FRAS1: variants seen among roughly 807,000 people sequenced by gnomAD.
FRAS1 encodes the protein Fraser extracellular matrix complex subunit 1, also known as extracellular matrix organizing protein FRAS1.
FRAS1 carries 290 observed loss-of-function variants against 435.2 expected under a neutral mutation model. That is an observed-to-expected ratio of 0.67 (90% CI 0.61 to 0.73). The LOEUF (loss-of-function observed/expected upper bound fraction) is 0.73, where lower values mean the gene tolerates loss of function less well. FRAS1 is among the 30% of genes least tolerant of loss of function. The pLI is 0.00. For synonymous variants in FRAS1, 1,800 were observed against 1,851.0 expected (o/e 0.97, Z 0.71); for missense variants, 4,860 against 5,001.5 (o/e 0.97, Z 0.85).
chr4:78,106,322 T>A (rs1742435765), intron 2 of FRAS1, among the ~76,000 whole-genome samples: 1 of 69,102 alleles, frequency 1.4e-5, no homozygotes, highest in Non-Finnish European at 3.0e-5. Context: ...AAGACAGCAG[T>A]AACCTCTGCA....
At chr4:78,099,763 A>G (rs1742024743) in intron 2 of FRAS1, among the ~76,000 whole-genome samples, 1 of 152,144 alleles carries the variant, frequency 6.6e-6, no homozygotes, top group Non-Finnish European at 1.5e-5. Flanking sequence ...GGTATGTTGG[A>G]TATAAATGAG....
intron 50 of FRAS1, among the ~76,000 whole-genome samples, chr4:78,469,362 TG>T (rs1349011829): frequency 6.6e-6 from 1 of 152,218 alleles, no homozygotes; most frequent in Non-Finnish European, 1.5e-5. Context: ...TCTGTGAGAA[TG>T]GGATTATAAA....
At chr4:78,218,851 T>C (rs929567496) in intron 2 of FRAS1, among the ~76,000 whole-genome samples, 1 of 152,240 alleles carries the variant, frequency 6.6e-6, no homozygotes, top group African/African-American at 2.4e-5. Context: ...CTGCCTTCTC[T>C]GTGTGATTTT....
intron 47 of FRAS1, among the ~76,000 whole-genome samples, chr4:78,462,921 A>G (rs550241571): frequency 6.6e-6 from 1 of 152,312 alleles, no homozygotes; most frequent in East Asian, 1.9e-4. Context: ...AAGCAGTGAT[A>G]CTGATGTCAC....
intron 2 of FRAS1, among the ~76,000 whole-genome samples, chr4:78,095,971 A>T (rs1236931388): frequency 6.6e-6 from 1 of 152,180 alleles, no homozygotes; most frequent in African/African-American, 2.4e-5. Flanking sequence ...TTAACCCAAA[A>T]GTCCACAGTC....
intron 2 of FRAS1, among the ~76,000 whole-genome samples, chr4:78,136,981 A>G (rs1483709292): frequency 1.3e-5 from 2 of 152,232 alleles, no homozygotes; most frequent in East Asian, 1.9e-4. Flanking sequence ...TGGAGTGGGC[A>G]CCAGCACACA....
In FRAS1 at chr4:78,432,463, C is replaced by T. The variant is rs1734254137; in HGVS notation, c.5076C>T (p.Leu1692=). 1 of 1,613,356 alleles carries T rather than the reference C, an allele frequency of 6.2e-7. No homozygotes were observed. The highest frequency in any genetic ancestry group is 8.5e-7 in the Non-Finnish European group (1 of 1,179,628). ...DSMEISVTDG[L]TVTMLEVRVE... ...TGGAGATCTCAGTCACAGATGGCCT[C>T]ACAGTGACAATGCTGGAGGTGAGAG... The change falls in exon 38 of 74, where the codon CTC becomes CTT. Residue 1692 remains leucine, a synonymous_variant. Coordinates refer to ENST00000512123, the MANE Select transcript of FRAS1 (RefSeq NM_025074.7).
chr4:78,222,982 C>T (rs1724121024), intron 2 of FRAS1, among the ~76,000 whole-genome samples: 1 of 152,074 alleles, frequency 6.6e-6, no homozygotes, highest in African/African-American at 2.4e-5. Flanking sequence ...TAACAATGAA[C>T]CCTGGGAGGG....
chr4:78,163,441 T>G lies in FRAS1; in HGVS notation c.109-74069T>G, dbSNP rs202070847. Reference sequence around the variant, plus strand: ...TTCACATATTCTCGGGACCAGTTAATTGAATTACCTAATTATTCCAAGAGT... The same window carrying G: ...TTCACATATTCTCGGGACCAGTTAAGTGAATTACCTAATTATTCCAAGAGT... On this transcript the variant is annotated intron_variant, in intron 2 of 73. Coordinates refer to ENST00000512123, the MANE Select transcript of FRAS1 (RefSeq NM_025074.7). Among the ~76,000 whole-genome samples the G allele has an allele frequency of 2.0e-5, 3 of 152,314 alleles. No individual in the cohort carries two copies. The East Asian group carries it at 5.8e-4, about 29-fold the overall frequency.
Position 78,472,239 on chromosome 4 carries a change from G to T in FRAS1, c.7431G>T (p.Ala2477=). 1 of 1,613,886 alleles carries T rather than the reference G, an allele frequency of 6.2e-7. No individual in the cohort carries two copies. Among genetic ancestry groups the T allele is most frequent in the Non-Finnish European group, 8.5e-7 (1 of 1,179,810 alleles). Residue 2477 remains alanine, a synonymous_variant, in exon 52 of 74, where the codon GCG becomes GCT. Coordinates refer to ENST00000512123, the MANE Select transcript of FRAS1 (RefSeq NM_025074.7). ...CCATGGACCCAGACACCGAGGACGC[G>T]CAGCTTGTCTATGAGATAACGACGG... The part of the protein sequence containing the change: ...LLTMDPDTED[A]QLVYEITTGP...
intron 47 of FRAS1, among the ~76,000 whole-genome samples, chr4:78,459,851 G>A (rs1707591116): frequency 6.6e-6 from 1 of 152,096 alleles, no homozygotes; most frequent in Non-Finnish European, 1.5e-5. Flanking sequence ...CTCCCTGTTG[G>A]GATATGTCTG....
chr4:78,294,796 A>T (rs1235897883), intron 14 of FRAS1, among the ~76,000 whole-genome samples: 2 of 152,196 alleles, frequency 1.3e-5, no homozygotes, highest in African/African-American at 4.8e-5. Flanking sequence ...TCCTCCCTCC[A>T]TCATTAGGAA....
intron 2 of FRAS1, among the ~76,000 whole-genome samples, chr4:78,093,410 A>G (rs1029871498): frequency 3.9e-5 from 6 of 152,210 alleles, no homozygotes; most frequent in African/African-American, 7.2e-5. Context: ...TGCTATGACT[A>G]AGGCATGTTG....
chr4:78,250,564 T>C (rs953010901), intron 4 of FRAS1, among the ~76,000 whole-genome samples: 1 of 152,224 alleles, frequency 6.6e-6, no homozygotes, highest in Non-Finnish European at 1.5e-5. Context: ...GGTCAAGGCA[T>C]CTAAAGAGTT....
In FRAS1 at chr4:78,375,796, A is replaced by G; in HGVS notation, c.3209A>G (p.His1070Arg). The change falls in exon 26 of 74, where the codon CAT becomes CGT. Residue 1070 changes from histidine (H) to arginine (R), a missense_variant. Transcript: ENST00000512123. Reference protein sequence around the residue: ...SHRDRCHLCDHGFFLKSGLCV... With the variant: ...SHRDRCHLCDRGFFLKSGLCV... ...AGGGACCGTTGTCACCTCTGTGACCATGGGTTCTTTCTGAAGAGTGGCCTC... is the reference window on the plus strand; with the variant it reads ...AGGGACCGTTGTCACCTCTGTGACCGTGGGTTCTTTCTGAAGAGTGGCCTC... 6.2e-7 allele frequency: 1 copy of G among 1,612,900 alleles called. No individual in the cohort carries two copies. Among genetic ancestry groups the G allele is most frequent in the East Asian group, 2.2e-5 (1 of 44,866 alleles).
Position 78,400,875 on chromosome 4 carries a change from T to C in FRAS1, c.4117T>C (p.Tyr1373His). ...EEIIYKITQD[Y>H]PQFGEVVLLV... ...AATCATCTACAAGATTACACAAGAC[T>C]ACCCCCAGTTTGGTAACTATTTTTT... is the stretch of plus-strand genomic sequence containing the variant. The change falls in exon 30 of 74, where the codon TAC (tyrosine) becomes CAC (histidine). Residue 1373 changes from tyrosine to histidine, a missense_variant. Physicochemically the swap from Tyr to His is moderately conservative, Grantham distance 83. Coordinates refer to ENST00000512123, the MANE Select transcript of FRAS1 (RefSeq NM_025074.7). 1.2e-6 allele frequency: 2 copies of C among 1,613,588 alleles called. No homozygotes were observed. Among genetic ancestry groups the C allele is most frequent in the East Asian group, 2.2e-5 (1 of 44,866 alleles).
Position 78,470,010 on chromosome 4 carries a change from A to G in FRAS1, c.7290A>G (p.Val2430=). ...CAGCAGCACCTCAGCCGTTCCGAGT[A>G]GACATCCTCCCGGTAGATGATGGCA... ...IMTAAPQPFR[V]DILPVDDGTP... The change falls in exon 51 of 74, where the codon GTA becomes GTG. Residue 2430 remains valine, a synonymous_variant. Transcript: ENST00000512123. 1.2e-6 allele frequency: 2 copies of G among 1,613,768 alleles called. No individual in the cohort carries two copies. The highest frequency in any genetic ancestry group is 1.7e-6 in the Non-Finnish European group (2 of 1,179,768).
At chr4:78,494,299 A>G (rs939156723) in intron 59 of FRAS1, among the ~76,000 whole-genome samples, 1 of 152,080 alleles carries the variant, frequency 6.6e-6, no homozygotes, top group Non-Finnish European at 1.5e-5. Context: ...GTCGATTTGC[A>G]TTGCTATAAA....
At chr4:78,325,788 G>T (rs1275072862) in intron 18 of FRAS1, among the ~76,000 whole-genome samples, 3 of 152,220 alleles carry the variant, frequency 2.0e-5, no homozygotes, top group Non-Finnish European at 4.4e-5. Flanking sequence ...AAGTAGACGG[G>T]CTCTGTCTAG....
Sources: allele counts gnomAD v4.1 joint callset (sites outside exome capture counted in the v4.1 genomes callset), GRCh38; gene constraint gnomAD v4.1.1; transcripts MANE v1.5; gene names NCBI Gene and HGNC (gene_info 2026-07-23, HGNC 2026-07-21).